The following TBC1D1 variants were observed in gnomAD, a reference collection of about 807,000 sequenced individuals.
The protein encoded by TBC1D1 is TBC1 (tre-2/USP6, BUB2, cdc16) domain family, member 1.
A neutral mutation model predicts 125.6 loss-of-function variants in TBC1D1; 89 were observed. That is an observed-to-expected ratio of 0.71 (90% CI 0.60 to 0.85). TBC1D1 has a LOEUF of 0.85. TBC1D1 is among the 40% of genes least tolerant of loss of function. The pLI is 0.00. For synonymous variants in TBC1D1, 565 were observed against 564.1 expected (o/e 1.00, Z -0.02); for missense variants, 1,377 against 1,469.2 (o/e 0.94, Z 1.03).
At chr4:37,978,356 C>T (rs148758585) in intron 2 of TBC1D1, among the ~76,000 whole-genome samples, 1,941 of 152,360 alleles carry the variant, frequency 0.013, 22 homozygotes, top group Middle Eastern at 0.044. Flanking sequence ...ACCCCATGCA[C>T]TCAGTCCCTT....
At chr4:38,096,843 CGT>C (rs1759434081) in intron 14 of TBC1D1, among the ~76,000 whole-genome samples, 2 of 150,910 alleles carry the variant, frequency 1.3e-5, no homozygotes, top group African/African-American at 4.9e-5. Context: ...TTTACTGTAT[CGT>C]ATAAAAATAT....
intron 2 of TBC1D1, among the ~76,000 whole-genome samples, chr4:37,999,834 G>C (rs1029154874): frequency 6.6e-6 from 1 of 152,232 alleles, no homozygotes; most frequent in African/African-American, 2.4e-5. Context: ...ATAATACCAA[G>C]TTGACAGTTG....
At chr4:38,019,901 T>C (rs1331553707) in intron 4 of TBC1D1, among the ~76,000 whole-genome samples, 1 of 152,222 alleles carries the variant, frequency 6.6e-6, no homozygotes, top group East Asian at 1.9e-4. Context: ...ATATTTTAAA[T>C]ATTTTTTTAA....
At chr4:38,001,133 C>T (rs991172168) in intron 2 of TBC1D1, among the ~76,000 whole-genome samples, 4 of 151,882 alleles carry the variant, frequency 2.6e-5, no homozygotes, top group African/African-American at 4.8e-5. Context: ...GGCAGGAGAA[C>T]GGCGTGAACC....
chr4:37,934,837 C>T (rs71604098), intron 2 of TBC1D1, among the ~76,000 whole-genome samples: 29,180 of 152,108 alleles, frequency 0.19, 3,427 homozygotes, highest in East Asian at 0.32. Context: ...CCCCAAATCT[C>T]AGTGGCTTAT....
At chr4:37,985,777 A>G (rs1033704961) in intron 2 of TBC1D1, among the ~76,000 whole-genome samples, 2 of 152,222 alleles carry the variant, frequency 1.3e-5, no homozygotes, top group Non-Finnish European at 1.5e-5. Flanking sequence ...AATAGCTTGC[A>G]GTCTAATGGG....
intron 14 of TBC1D1, among the ~76,000 whole-genome samples, chr4:38,101,189 G>A (rs1452174074): frequency 6.6e-6 from 1 of 152,212 alleles, no homozygotes; most frequent in African/African-American, 2.4e-5. Flanking sequence ...CCCAAAGGTG[G>A]CCAGAGACAG....
intron 4 of TBC1D1, among the ~76,000 whole-genome samples, chr4:38,019,434 G>C (rs1472978291): frequency 6.6e-6 from 1 of 152,124 alleles, no homozygotes; most frequent in Non-Finnish European, 1.5e-5. Context: ...GTTAATGATT[G>C]CTCATTTATT....
intron 6 of TBC1D1, among the ~76,000 whole-genome samples, chr4:38,025,440 G>A (rs972987488): frequency 3.6e-4 from 55 of 152,200 alleles, no homozygotes; most frequent in African/African-American, 1.3e-3. Context: ...GGACCTAGGC[G>A]GGCCGGCTAT....
chr4:38,023,173 G>A (rs1024601971), intron 6 of TBC1D1, among the ~76,000 whole-genome samples: 2 of 151,794 alleles, frequency 1.3e-5, no homozygotes, highest in Non-Finnish European at 2.9e-5. Flanking sequence ...TTTGAGCCCG[G>A]GAGATGGAGG....
chr4:38,096,001 TAAC>T lies in TBC1D1; in HGVS notation c.2310_2312del (p.Thr772del). 6.2e-7 allele frequency: 1 copy of T among 1,613,990 alleles called. No homozygotes were observed. On this transcript the variant is annotated inframe_deletion, in exon 14 of 20. Coordinates refer to ENST00000261439, the MANE Select transcript of TBC1D1 (RefSeq NM_015173.4). ...GAAATTACTCCCTGTCTTAAAGAAG[TAAC>T]TACAGTGTGGGAAAAGATGCTTAGC...
intron 2 of TBC1D1, among the ~76,000 whole-genome samples, chr4:37,944,953 G>A (rs1388463826): frequency 6.6e-6 from 1 of 152,156 alleles, no homozygotes; most frequent in Non-Finnish European, 1.5e-5. Flanking sequence ...GACTGGAGCT[G>A]TTCCTATTTG....
intron 2 of TBC1D1, among the ~76,000 whole-genome samples, chr4:37,993,047 G>A (rs1427274109): frequency 1.3e-5 from 2 of 151,954 alleles, no homozygotes; most frequent in Non-Finnish European, 2.9e-5. Flanking sequence ...CAGGTGATCC[G>A]CCTGCCTCAG....
At position 37,957,853 on chromosome 4, in the gene TBC1D1, CT is replaced by C. The variant is rs11351504; in HGVS notation, c.417+55343del. Among the ~76,000 whole-genome samples the C allele has an allele frequency of 8.3e-3, 1,270 of 152,178 alleles. 11 individuals carry two copies. The highest frequency in any genetic ancestry group is 0.029 in the African/African-American group (1,200 of 41,514). On this transcript the variant is annotated intron_variant, in intron 2 of 19. Transcript: ENST00000261439. ...TTTTCCTCCCTCCCTTCTGTCTTTC[CT>C]TCCTTTTATTCTTCCATTTATAATG...
At chr4:38,129,219 C>G (rs1765167304) in intron 18 of TBC1D1, among the ~76,000 whole-genome samples, 1 of 152,158 alleles carries the variant, frequency 6.6e-6, no homozygotes, top group Non-Finnish European at 1.5e-5. Flanking sequence ...TCCAGTTGAG[C>G]TTGTAGGTTA....
intron 15 of TBC1D1, among the ~76,000 whole-genome samples, chr4:38,105,951 A>T (rs1761225904): frequency 6.6e-6 from 1 of 152,022 alleles, no homozygotes; most frequent in Non-Finnish European, 1.5e-5. Flanking sequence ...TTGAGTATAT[A>T]CTCAGTAATG....
chr4:37,906,332 G>C (rs971105286), intron 2 of TBC1D1, among the ~76,000 whole-genome samples: 7 of 152,114 alleles, frequency 4.6e-5, no homozygotes, highest in African/African-American at 9.7e-5. Flanking sequence ...ATTTTTAGTA[G>C]AGACAGGGTT....
At chr4:37,989,859 C>G (rs555481525) in intron 2 of TBC1D1, among the ~76,000 whole-genome samples, 1 of 152,064 alleles carries the variant, frequency 6.6e-6, no homozygotes, top group Non-Finnish European at 1.5e-5. Flanking sequence ...TGGTTTTTTT[C>G]GTCTCTCAGA....
chr4:38,011,789 T>G (rs1741561890), intron 2 of TBC1D1, among the ~76,000 whole-genome samples: 1 of 152,220 alleles, frequency 6.6e-6, no homozygotes, highest in African/African-American at 2.4e-5. Flanking sequence ...ATAGGAGAGA[T>G]TGGTCCTTGG....
Sources: gnomAD v4.1 joint callset for allele counts (sites outside exome capture counted in the v4.1 genomes callset) on GRCh38, gnomAD v4.1.1 for gene constraint, MANE v1.5 for transcripts, NCBI Gene and HGNC (gene_info 2026-07-23, HGNC 2026-07-21) for gene names.